The following SPATA18 variants were observed in gnomAD, a reference collection of about 807,000 sequenced individuals.
SPATA18 encodes the protein mitochondria-eating protein.
A neutral mutation model predicts 68.1 loss-of-function variants in SPATA18; 54 were observed. The ratio of observed to expected loss-of-function variants is 0.79; its 90% CI spans 0.64 to 0.99. The LOEUF is 0.99. Among genes scored for constraint, SPATA18 ranks in the 50% least tolerant of loss-of-function variants. The pLI is 0.00. For synonymous variants in SPATA18, 242 were observed against 244.8 expected (o/e 0.99, Z 0.11); for missense variants, 724 against 681.1 (o/e 1.06, Z -0.70).
chr4:52,090,131 T>A (rs1333218121), intron 11 of SPATA18, among the ~76,000 whole-genome samples: 2 of 152,226 alleles, frequency 1.3e-5, no homozygotes, highest in Non-Finnish European at 2.9e-5. Context: ...TCCATTTGCT[T>A]GGTAAATATT....
At chr4:52,094,790 C>A in intron 12 of SPATA18, 90 bp from the exon 13 acceptor site, 2 of 1,552,758 alleles carry the variant, frequency 1.3e-6, no homozygotes, top group East Asian at 2.2e-5. Context: ...TTGCCATAAA[C>A]CTAGATTAAC....
chr4:52,060,769 T>G lies in SPATA18; in HGVS notation c.194-13T>G. 1 of 1,612,134 alleles carries G rather than the reference T, an allele frequency of 6.2e-7. No homozygotes were observed. The highest frequency in any genetic ancestry group is 1.1e-5 in the South Asian group (1 of 91,042). On this transcript the variant is annotated splice_polypyrimidine_tract_variant and intron_variant, in intron 2 of 12. Coordinates refer to ENST00000295213, the MANE Select transcript of SPATA18 (RefSeq NM_145263.4). ...GTGTGCTGCACCCATTAACTCGTCATTTAACATTTTAGGAGGACGTAATGA... is the reference window on the plus strand; with the variant it reads ...GTGTGCTGCACCCATTAACTCGTCAGTTAACATTTTAGGAGGACGTAATGA...
intron 7 of SPATA18, 98 bp downstream of exon 7, chr4:52,077,138 G>A (rs1740443987): frequency 7.5e-7 from 1 of 1,336,330 alleles, no homozygotes; most frequent in African/African-American, 1.5e-5. Context: ...TGGATCCTGA[G>A]GTCACTGAAG....
chr4:52,080,031 T>G, intron 9 of SPATA18, 112 bp downstream of exon 9: 2 of 1,182,816 alleles, frequency 1.7e-6, no homozygotes, highest in Non-Finnish European at 2.4e-6. Context: ...TAACAGACAC[T>G]ACCTGATTTT....
At chr4:52,060,304 C>T (rs1309497984) in intron 1 of SPATA18, 115 bp from the exon 2 acceptor site, 14 of 734,060 alleles carry the variant, frequency 1.9e-5, no homozygotes, top group African/African-American at 1.6e-4. Flanking sequence ...AGCAGTCCTG[C>T]CACAAAAGCA....
chr4:52,073,757 A>G (rs1740075526), intron 6 of SPATA18, among the ~76,000 whole-genome samples: 1 of 152,320 alleles, frequency 6.6e-6, no homozygotes, highest in Middle Eastern at 3.4e-3. Flanking sequence ...CCAGTCAGTA[A>G]AGGTTCTGGC....
intron 2 of SPATA18, 113 bp downstream of exon 2, chr4:52,060,637 T>C (rs113204633): frequency 1.7e-5 from 19 of 1,149,062 alleles, no homozygotes; most frequent in Non-Finnish European, 2.4e-5. Context: ...ACTGACCTGA[T>C]GACCTGATGT....
chr4:52,064,029 GATCAAGA>G (rs1739112632), intron 4 of SPATA18, among the ~76,000 whole-genome samples: 2 of 152,058 alleles, frequency 1.3e-5, no homozygotes, highest in Non-Finnish European at 2.9e-5. Context: ...GGGTACCATA[GATCAAGA>G]AACTTAATGC....
intron 1 of SPATA18, among the ~76,000 whole-genome samples, chr4:52,052,691 A>C (rs1257139118): frequency 6.6e-6 from 1 of 152,244 alleles, no homozygotes; most frequent in Non-Finnish European, 1.5e-5. Flanking sequence ...TCTTGGTCTT[A>C]GTACCTCATC....
At chr4:52,056,843 T>C (rs1447464895) in intron 1 of SPATA18, among the ~76,000 whole-genome samples, 1 of 152,146 alleles carries the variant, frequency 6.6e-6, no homozygotes, top group African/African-American at 2.4e-5. Flanking sequence ...AAAGCAAATA[T>C]GAGCATGTCA....
intron 4 of SPATA18, among the ~76,000 whole-genome samples, chr4:52,062,717 G>A (rs1366389852): frequency 2.6e-5 from 4 of 152,122 alleles, no homozygotes; most frequent in South Asian, 2.1e-4. Context: ...AAAAGAGAGT[G>A]AACAATCAGG....
intron 11 of SPATA18, among the ~76,000 whole-genome samples, chr4:52,091,219 C>T (rs182100358): frequency 3.3e-5 from 5 of 152,022 alleles, no homozygotes; most frequent in African/African-American, 7.2e-5. Flanking sequence ...AGCTTCCTTG[C>T]AGTGGGTTAG....
intron 11 of SPATA18, among the ~76,000 whole-genome samples, chr4:52,089,458 G>A (rs1051459758): frequency 6.6e-6 from 1 of 152,202 alleles, no homozygotes; most frequent in African/African-American, 2.4e-5. Flanking sequence ...TGCTTTAAAT[G>A]TGTCCCACAG....
At position 52,096,757 on chromosome 4, in the gene SPATA18, T is replaced by C. The variant is rs1234031779; in HGVS notation, c.*1870T>C. ...TGGTGGGCAATTCTTGTTAATGTTT[T>C]AAACAAAAAAAAAAAAACCTTACAG... is the stretch of plus-strand genomic sequence containing the variant. On this transcript the variant is annotated 3_prime_UTR_variant, in exon 13 of 13. Transcript: ENST00000295213. The C allele has an allele frequency of 1.2e-5, 1 of 82,398 alleles. No homozygotes were observed. The highest frequency in any genetic ancestry group is 3.8e-5 in the Non-Finnish European group (1 of 26,352). The allele number at this position is 82,398 out of a possible 1,614,324, so 5.1% of individuals were successfully genotyped here.
chr4:52,069,433 G>C (rs1482326632), intron 4 of SPATA18, among the ~76,000 whole-genome samples: 1 of 152,188 alleles, frequency 6.6e-6, no homozygotes, highest in African/African-American at 2.4e-5. Context: ...AAAAATCGAT[G>C]TTGGTATATT....
At chr4:52,056,138 C>T (rs538372329) in intron 1 of SPATA18, among the ~76,000 whole-genome samples, 1 of 152,122 alleles carries the variant, frequency 6.6e-6, no homozygotes, top group Admixed American at 6.5e-5. Flanking sequence ...CCTCATTCTG[C>T]CCTCAGCCCT....
intron 7 of SPATA18, 78 bp downstream of exon 7, chr4:52,077,118 C>G (rs1343867867): frequency 6.8e-7 from 1 of 1,462,304 alleles, no homozygotes; most frequent in Non-Finnish European, 9.2e-7. Flanking sequence ...GAACAACTTA[C>G]AAAGACTAGT....
At chr4:52,094,858 A>G (rs367870741) in intron 12 of SPATA18, 22 bp from the exon 13 acceptor site, 1 of 1,613,896 alleles carries the variant, frequency 6.2e-7, no homozygotes, top group Non-Finnish European at 8.5e-7. Flanking sequence ...CATAATAATG[A>G]ACTGTCTATT....
Position 52,072,114 on chromosome 4 carries a change from A to T in SPATA18, c.716A>T (p.Glu239Val). ...YKKQLRNLKEEIAVLSAEKSA... is the reference protein window; with the variant it reads ...YKKQLRNLKEVIAVLSAEKSA... ...AAACAGCTCCGAAACCTGAAGGAGGAGATAGCTGTTCTGTCTGCTGAGAAA... is the reference window on the plus strand; with the variant it reads ...AAACAGCTCCGAAACCTGAAGGAGGTGATAGCTGTTCTGTCTGCTGAGAAA... Residue 239 changes from glutamate (E) to valine (V), a missense_variant, in exon 6 of 13, where the codon GAG becomes GTG. By Grantham distance (121) the Glu-to-Val change is moderately radical. Coordinates refer to ENST00000295213, the MANE Select transcript of SPATA18 (RefSeq NM_145263.4). 2 of 1,614,096 alleles carry T rather than the reference A, an allele frequency of 1.2e-6. No homozygotes were observed. The highest frequency in any genetic ancestry group is 1.7e-6 in the Non-Finnish European group (2 of 1,180,016).
Sources: allele counts gnomAD v4.1 joint callset (sites outside exome capture counted in the v4.1 genomes callset), GRCh38; gene constraint gnomAD v4.1.1; transcripts MANE v1.5; gene names NCBI Gene and HGNC (gene_info 2026-07-23, HGNC 2026-07-21).